DMD: variants seen among roughly 807,000 people sequenced by gnomAD.
DMD encodes the protein dystrophin.
A neutral mutation model predicts 330.1 loss-of-function variants in DMD; 63 were observed. The observed-to-expected ratio is 0.19, with a 90% confidence interval of 0.16 to 0.24. The LOEUF is 0.24. DMD is among the 10% of genes least tolerant of loss of function. The pLI is 1.00. For synonymous variants in DMD, 1,223 were observed against 959.8 expected, an observed-to-expected ratio of 1.27 and a Z score of -5.07; for missense variants, 3,344 against 2,684.1, an observed-to-expected ratio of 1.25 and a Z score of -5.43.
At chrX:32,418,690 C>T (rs1192168300) in intron 29 of DMD, among the ~76,000 whole-genome samples, 1 of 110,876 alleles carries the variant, frequency 9.0e-6, no homozygotes, top group Non-Finnish European at 1.9e-5. Context: ...CTATTTGTCT[C>T]AGAAATTGGT....
Position 32,491,346 on chromosome X carries a change from G to C in DMD, c.2553C>G (p.Asn851Lys). Residue 851 changes from asparagine to lysine, a missense_variant, in exon 20 of 79, where the codon AAC becomes AAG. Coordinates refer to ENST00000357033, the MANE Select transcript of DMD (RefSeq NM_004006.3). The part of the protein sequence containing the change: ...QLEQMTTTAE[N>K]WLKIQPTTPS... ...GGGTGGTGGGTTGGATTTTCAACCA[G>C]TTTTCAGCAGTAGTTGTCATCTGCT... 4.1e-6 allele frequency: 5 copies of C among 1,210,751 alleles called. No individual in the cohort carries two copies. Among genetic ancestry groups the C allele is most frequent in the Non-Finnish European group, 5.6e-6 (5 of 894,767 alleles).
chrX:32,961,876 G>A (rs538312251), intron 2 of DMD, among the ~76,000 whole-genome samples: 1 of 111,609 alleles, frequency 9.0e-6, no homozygotes, highest in Non-Finnish European at 1.9e-5. Flanking sequence ...TTATACTTGC[G>A]TTAAGTTCTT....
At position 32,710,643 on chromosome X, in the gene DMD, G is replaced by A. The variant is rs140542409; in HGVS notation, c.650-11350C>T. On this transcript the variant is annotated intron_variant, in intron 7 of 78. Transcript: ENST00000357033. Reference sequence around the variant, plus strand: ...AAATAGCACCGTGCTTTACAAAAACGTATTTTCAAAAATAATATTGACTGA... The same window carrying A: ...AAATAGCACCGTGCTTTACAAAAACATATTTTCAAAAATAATATTGACTGA... 7.6e-4 allele frequency among the ~76,000 whole-genome samples: 84 copies of A among 110,616 alleles called. No individual in the cohort carries two copies. In the East Asian group the frequency reaches 0.016, roughly 21 times the overall value.
At chrX:32,289,825 T>C (rs1024711310) in intron 42 of DMD, among the ~76,000 whole-genome samples, 3 of 111,802 alleles carry the variant, frequency 2.7e-5, no homozygotes, top group East Asian at 5.7e-4. Flanking sequence ...AGAAAACTCA[T>C]GAATAATCCA....
Position 31,561,634 on chromosome X carries a change from C to T in DMD, c.8218-54181G>A, listed in dbSNP as rs186687328. ...TCTAAATATATTAAGGTAGGCACTA[C>T]TGTACTACAACTCTAATAATAATAA... On this transcript the variant is annotated intron_variant, in intron 55 of 78. Coordinates refer to ENST00000357033, the MANE Select transcript of DMD (RefSeq NM_004006.3). Among the ~76,000 whole-genome samples, 142 of 112,281 alleles carry T rather than the reference C, an allele frequency of 1.3e-3. 2 individuals are homozygous for T. Among genetic ancestry groups the T allele is most frequent in the Admixed American group, 0.011 (120 of 10,613 alleles).
chrX:31,949,173 A>G (rs966059405), intron 45 of DMD, among the ~76,000 whole-genome samples: 4 of 111,116 alleles, frequency 3.6e-5, no homozygotes, highest in African/African-American at 9.8e-5. Flanking sequence ...AGATTGTGCA[A>G]TTTTTCAATT....
chrX:31,479,088 A>G lies in DMD; in HGVS notation c.8563T>C (p.Leu2855=), dbSNP rs750917672. The change falls in exon 58 of 79, where the codon TTG becomes CTG. Residue 2855 remains leucine (L), a synonymous_variant. Transcript: ENST00000357033. ...NDVHRAFKRE[L]KTKEPVIMST... ...ATGATTACAGGTTCTTTAGTTTTCA[A>G]TTCCCTCTTGAAGGCCTGTGAAATG... 1.0e-4 allele frequency: 125 copies of G among 1,207,021 alleles called. No individual in the cohort carries two copies. In the East Asian group the frequency reaches 3.5e-3, roughly 34 times the overall value.
chrX:32,647,961 T>C (rs1347095605), intron 9 of DMD, among the ~76,000 whole-genome samples: 2 of 112,006 alleles, frequency 1.8e-5, no homozygotes, highest in African/African-American at 3.2e-5. Flanking sequence ...ATTTAAGAGT[T>C]CTTAAAAATC....
intron 41 of DMD, among the ~76,000 whole-genome samples, chrX:32,312,872 C>G (rs753480558): frequency 1.1e-5 from 1 of 95,178 alleles, no homozygotes; most frequent in East Asian, 3.3e-4. Context: ...AAGACTAAAC[C>G]AGGAAGAAGT....
intron 60 of DMD, among the ~76,000 whole-genome samples, chrX:31,424,610 G>A (rs1273833541): frequency 4.5e-5 from 5 of 112,121 alleles, no homozygotes; most frequent in African/African-American, 1.3e-4. Flanking sequence ...ACTGTAAGGT[G>A]TAGTCAAAAA....
intron 54 of DMD, among the ~76,000 whole-genome samples, chrX:31,639,156 ATT>A (rs1448125434): frequency 8.9e-6 from 1 of 111,840 alleles, no homozygotes; most frequent in Non-Finnish European, 1.9e-5. Flanking sequence ...CTGGAAAGAT[ATT>A]TAACCAAATT....
At chrX:32,716,235 G>A (rs1262692193) in intron 7 of DMD, among the ~76,000 whole-genome samples, 1 of 110,952 alleles carries the variant, frequency 9.0e-6, no homozygotes, top group Non-Finnish European at 1.9e-5. Context: ...CCCCAGTGTT[G>A]GAGGAGGGGC....
chrX:32,651,902 A>G (rs1289935779), intron 9 of DMD, among the ~76,000 whole-genome samples: 1 of 112,161 alleles, frequency 8.9e-6, no homozygotes, highest in East Asian at 2.8e-4. Flanking sequence ...TGTCAAGTCC[A>G]CCATTCGAAC....
At chrX:31,192,110 A>G (rs933585206) in intron 67 of DMD, among the ~76,000 whole-genome samples, 6 of 112,198 alleles carry the variant, frequency 5.3e-5, no homozygotes, top group African/African-American at 1.9e-4. Flanking sequence ...CAAGGGCATC[A>G]GTGGAATATT....
At chrX:32,144,491 T>C (rs2096769101) in intron 44 of DMD, among the ~76,000 whole-genome samples, 1 of 111,801 alleles carries the variant, frequency 8.9e-6, no homozygotes, top group South Asian at 3.7e-4. Context: ...CTCTAATTCG[T>C]TTATATTAAT....
At chrX:31,602,721 C>T (rs35523157) in intron 55 of DMD, among the ~76,000 whole-genome samples, 38,784 of 110,864 alleles carry the variant, frequency 0.35, 5,538 homozygotes, top group African/African-American at 0.53. Flanking sequence ...TCCTATCTGA[C>T]GGTTGTTCCT....
intron 2 of DMD, among the ~76,000 whole-genome samples, chrX:33,008,784 C>CGTATATATACACATATATGTG (rs2093451588): frequency 5.6e-5 from 2 of 35,982 alleles, no homozygotes; most frequent in African/African-American, 2.7e-4. Flanking sequence ...CCTAAAACAA[C>CGTATATATACACATATATGTG]TATATATACG....
intron 41 of DMD, among the ~76,000 whole-genome samples, chrX:32,315,088 C>T (rs1361549430): frequency 1.5e-4 from 17 of 111,762 alleles, no homozygotes; most frequent in African/African-American, 4.9e-4. Flanking sequence ...CACATGCACA[C>T]GTATGTTTAT....
chrX:32,062,234 A>T lies in DMD; in HGVS notation c.6439-93720T>A, dbSNP rs181828660. On this transcript the variant is annotated intron_variant, in intron 44 of 78. Transcript: ENST00000357033. The stretch of plus-strand genomic sequence containing the variant: ...TGAGAATGAACATTATGCACCCTCC[A>T]TGAAAGAAGACCAAATGACAACCAA... 1.5e-3 allele frequency among the ~76,000 whole-genome samples: 166 copies of T among 110,948 alleles called. 1 individual carries two copies. Among genetic ancestry groups the T allele is most frequent in the Middle Eastern group, 9.1e-3 (2 of 219 alleles).
Sources: allele counts gnomAD v4.1 joint callset (sites outside exome capture counted in the v4.1 genomes callset), GRCh38; gene constraint gnomAD v4.1.1; transcripts MANE v1.5; gene names NCBI Gene and HGNC (gene_info 2026-07-23, HGNC 2026-07-21).